The following RAB22A variants were observed in gnomAD, a reference collection of about 807,000 sequenced individuals.
The protein encoded by RAB22A is RAB22A, member RAS oncogene family.
A neutral mutation model predicts 30.2 loss-of-function variants in RAB22A; 13 were observed. The ratio of observed to expected loss-of-function variants is 0.43; its 90% CI spans 0.28 to 0.68. The LOEUF (loss-of-function observed/expected upper bound fraction) is 0.68, where lower values mean the gene tolerates loss of function less well. Ranked by LOEUF, RAB22A falls within the 30% of genes least tolerant of loss-of-function variation. The probability of loss-of-function intolerance (pLI) is 0.18; values close to 1 mark genes in which losing one functional copy is unlikely to be tolerated. For synonymous variants in RAB22A, 89 were observed against 87.2 expected (o/e 1.02, Z -0.11); for missense variants, 177 against 246.8 (o/e 0.72, Z 1.89).
rs1987192429 is a variant in RAB22A at position 58,359,645 on chromosome 20, G to A, written c.527G>A (p.Gly176Asp). 2 of 1,612,978 alleles carry A rather than the reference G, an allele frequency of 1.2e-6. No individual in the cohort carries two copies. Among genetic ancestry groups the A allele is most frequent in the Non-Finnish European group, 1.7e-6 (2 of 1,179,168 alleles). Reference sequence around the variant, plus strand: ...TCCACTGACGCCAACCTGCCATCTGGCGGTAAGGGCTTCAAACTCCGAAGA... The same window carrying A: ...TCCACTGACGCCAACCTGCCATCTGACGGTAAGGGCTTCAAACTCCGAAGA... The part of the protein sequence containing the change: ...IPSTDANLPS[G>D]GKGFKLRRQP... Residue 176 changes from glycine (G) to aspartate (D), a missense_variant, in exon 7 of 7, where the codon GGC becomes GAC. By Grantham distance (94) the Gly-to-Asp change is moderately conservative. Coordinates refer to ENST00000244040, the MANE Select transcript of RAB22A (RefSeq NM_020673.3).
chr20:58,313,373 T>C (rs553975117), intron 2 of RAB22A, among the ~76,000 whole-genome samples: 1 of 152,306 alleles, frequency 6.6e-6, no homozygotes, highest in East Asian at 1.9e-4. Flanking sequence ...CTTCCTCCTT[T>C]GTGACCAACC....
At chr20:58,352,058 G>T (rs1451684960) in intron 3 of RAB22A, among the ~76,000 whole-genome samples, 2 of 152,100 alleles carry the variant, frequency 1.3e-5, no homozygotes, top group African/African-American at 4.8e-5. Flanking sequence ...AAAACAAGGT[G>T]GAAGAAGGAC....
At chr20:58,327,844 T>C (rs1986594134) in intron 2 of RAB22A, among the ~76,000 whole-genome samples, 1 of 152,126 alleles carries the variant, frequency 6.6e-6, no homozygotes, top group Non-Finnish European at 1.5e-5. Context: ...TCCAAAAGTC[T>C]CAAGGTCTAA....
At position 58,359,812 on chromosome 20, in the gene RAB22A, C is replaced by A; in HGVS notation, c.*109C>A. ...TCACCTAGCCAGTCTTGAGTCTTCT[C>A]CGTGCAAAAAGGATTCACAGAAATG... On this transcript the variant is annotated 3_prime_UTR_variant, in exon 7 of 7. Coordinates refer to ENST00000244040, the MANE Select transcript of RAB22A (RefSeq NM_020673.3). 1.1e-6 allele frequency: 1 copy of A among 917,186 alleles called. No homozygotes were observed. 56.8% of individuals were successfully genotyped at this position (917,186 alleles called of 1,614,324 possible).
intron 5 of RAB22A, 80 bp from the exon 6 acceptor site, chr20:58,354,076 C>T: frequency 1.1e-6 from 1 of 940,902 alleles, no homozygotes. Flanking sequence ...CATCATAAAT[C>T]TGGTTAACTA....
chr20:58,316,822 T>C (rs145265118), intron 2 of RAB22A, among the ~76,000 whole-genome samples: 2 of 152,216 alleles, frequency 1.3e-5, no homozygotes, highest in African/African-American at 4.8e-5. Context: ...TCCATGGACC[T>C]TGGGGTAGAG....
At chr20:58,342,026 T>TAAC (rs1293147375) in intron 2 of RAB22A, among the ~76,000 whole-genome samples, 2 of 152,138 alleles carry the variant, frequency 1.3e-5, no homozygotes, top group African/African-American at 4.8e-5. Flanking sequence ...TGCCTTTAAA[T>TAAC]AATAATAATA....
intron 5 of RAB22A, 35 bp downstream of exon 5, chr20:58,353,573 T>C: frequency 6.9e-7 from 1 of 1,452,962 alleles, no homozygotes; most frequent in Non-Finnish European, 9.6e-7. Flanking sequence ...CAATACCTAT[T>C]ATGTGTTCCT....
intron 1 of RAB22A, 55 bp downstream of exon 1, chr20:58,310,067 C>A: frequency 8.0e-7 from 1 of 1,245,132 alleles, no homozygotes; most frequent in Non-Finnish European, 1.0e-6. Flanking sequence ...CTGGCGGGGA[C>A]CCCGGATCCC....
intron 2 of RAB22A, among the ~76,000 whole-genome samples, chr20:58,323,855 T>C (rs894032022): frequency 2.6e-5 from 4 of 152,074 alleles, no homozygotes; most frequent in Non-Finnish European, 5.9e-5. Context: ...TTTCTACATG[T>C]ATTTGGCTAA....
intron 2 of RAB22A, among the ~76,000 whole-genome samples, chr20:58,317,018 G>A (rs886664590): frequency 1.3e-5 from 2 of 152,156 alleles, no homozygotes; most frequent in African/African-American, 4.8e-5. Flanking sequence ...TTCCTTCATG[G>A]AGATGAGACA....
At chr20:58,338,394 G>A (rs1347059089) in intron 2 of RAB22A, among the ~76,000 whole-genome samples, 1 of 152,192 alleles carries the variant, frequency 6.6e-6, no homozygotes, top group East Asian at 1.9e-4. Flanking sequence ...TGATGAACAT[G>A]TAGAAGGTGA....
rs570986262 is a variant in RAB22A at position 58,364,386 on chromosome 20, C to T, written c.*4683C>T. 1 of 152,108 alleles carries T rather than the reference C, an allele frequency of 6.6e-6. No individual in the cohort carries two copies. Among genetic ancestry groups the T allele is most frequent in the East Asian group, 1.9e-4 (1 of 5,178 alleles). The allele number at this position is 152,108 out of a possible 1,614,324, so 9.4% of individuals were successfully genotyped here. ...GTTTTCTTTCCTTTTAGAGTATAAT[C>T]AATTATGGATAGGCCAGAATATTTT... is the stretch of plus-strand genomic sequence containing the variant. On this transcript the variant is annotated 3_prime_UTR_variant, in exon 7 of 7. Transcript: ENST00000244040.
intron 2 of RAB22A, 115 bp from the exon 3 acceptor site, chr20:58,343,603 A>T (rs1344528050): frequency 5.6e-6 from 4 of 720,032 alleles, no homozygotes; most frequent in Admixed American, 2.3e-5. Flanking sequence ...CACAATTAGG[A>T]TACAGCGTGG....
chr20:58,314,198 A>G (rs901262930), intron 2 of RAB22A, among the ~76,000 whole-genome samples: 2 of 151,706 alleles, frequency 1.3e-5, no homozygotes, highest in Non-Finnish European at 1.5e-5. Context: ...ATAGGCGCAC[A>G]TTTGGGAATC....
At chr20:58,312,425 AT>A (rs1384669240) in intron 2 of RAB22A, among the ~76,000 whole-genome samples, 1 of 79,348 alleles carries the variant, frequency 1.3e-5, no homozygotes, top group Non-Finnish European at 2.6e-5. Context: ...TAAATTTTGT[AT>A]TTTTTAGTAG....
intron 2 of RAB22A, among the ~76,000 whole-genome samples, chr20:58,320,252 G>A (rs1470062606): frequency 2.0e-5 from 3 of 152,174 alleles, no homozygotes; most frequent in Admixed American, 1.3e-4. Context: ...ATATGTAACT[G>A]CAGATTCAAT....
chr20:58,343,843 GAA>G, intron 3 of RAB22A, 44 bp downstream of exon 3: 1 of 1,460,296 alleles, frequency 6.8e-7, no homozygotes, highest in African/African-American at 1.4e-5. Context: ...AGGCCCAAAT[GAA>G]AGTTCCAACT....
At chr20:58,324,865 C>CAAAA (rs35375006) in intron 2 of RAB22A, among the ~76,000 whole-genome samples, 1 of 29,764 alleles carries the variant, frequency 3.4e-5, no homozygotes, top group East Asian at 1.1e-3. Flanking sequence ...GACTCCGTCT[C>CAAAA]AAAAAAAAAA....
Sources: allele counts gnomAD v4.1 joint callset (sites outside exome capture counted in the v4.1 genomes callset), GRCh38; gene constraint gnomAD v4.1.1; transcripts MANE v1.5; gene names NCBI Gene and HGNC (gene_info 2026-07-23, HGNC 2026-07-21).